TNS3: variants seen among roughly 807,000 people sequenced by gnomAD.
TNS3 encodes tensin-3.
In TNS3, 45 loss-of-function variants were observed where a neutral mutation model predicts 140.9. The observed-to-expected ratio is 0.32, with a 90% confidence interval of 0.25 to 0.41. TNS3 has a LOEUF of 0.41. Ranked by LOEUF, TNS3 falls within the 10% of genes least tolerant of loss-of-function variation. The pLI is 1.00. For missense variants in TNS3, 1,716 were observed against 1,906.7 expected, an observed-to-expected ratio of 0.90 and a Z score of 1.86; for synonymous variants, 815 against 788.4, an observed-to-expected ratio of 1.03 and a Z score of -0.56.
intron 4 of TNS3, among the ~76,000 whole-genome samples, chr7:47,454,692 G>A (rs7779248): frequency 0.15 from 23,439 of 152,102 alleles, 1,954 homozygotes; most frequent in Non-Finnish European, 0.18. Flanking sequence ...AAAACAGGCC[G>A]AGCCCTAGAG....
chr7:47,447,246 A>ATTTG (rs1491236781), intron 4 of TNS3, among the ~76,000 whole-genome samples: 3 of 120,810 alleles, frequency 2.5e-5, no homozygotes, highest in African/African-American at 9.5e-5. Context: ...CTGGTTCCAC[A>ATTTG]TATGTTTGTT....
intron 2 of TNS3, among the ~76,000 whole-genome samples, chr7:47,522,946 T>C (rs915205415): frequency 9.9e-5 from 14 of 141,074 alleles, no homozygotes; most frequent in African/African-American, 3.3e-4. Context: ...AAAGAGTTTC[T>C]ATTGTTTATT....
chr7:47,508,725 G>A (rs758196499), intron 2 of TNS3, among the ~76,000 whole-genome samples: 2 of 152,238 alleles, frequency 1.3e-5, no homozygotes, highest in Non-Finnish European at 2.9e-5. Flanking sequence ...ACCTGGCAGA[G>A]GAGATGGTGT....
intron 1 of TNS3, among the ~76,000 whole-genome samples, chr7:47,559,690 T>C (rs1800283855): frequency 6.6e-6 from 1 of 152,082 alleles, no homozygotes; most frequent in Non-Finnish European, 1.5e-5. Flanking sequence ...CAGCATCCTA[T>C]GGCCCCAGTC....
intron 1 of TNS3, among the ~76,000 whole-genome samples, chr7:47,555,199 C>T (rs1048355159): frequency 6.6e-6 from 1 of 151,152 alleles, no homozygotes; most frequent in African/African-American, 2.4e-5. Context: ...TCAGGAGTTC[C>T]AGACTAGCCT....
chr7:47,335,226 C>T (rs981072644), intron 20 of TNS3, among the ~76,000 whole-genome samples: 3 of 152,122 alleles, frequency 2.0e-5, no homozygotes, highest in Admixed American at 6.5e-5. Context: ...ATTCAACAGA[C>T]GGACGATGGC....
intron 4 of TNS3, among the ~76,000 whole-genome samples, chr7:47,452,044 G>A (rs1340169328): frequency 2.0e-5 from 3 of 152,198 alleles, no homozygotes; most frequent in Non-Finnish European, 4.4e-5. Context: ...TTCTTGGAAG[G>A]ATTAAATAAG....
chr7:47,496,265 TAC>T (rs139750850), intron 3 of TNS3, among the ~76,000 whole-genome samples: 1,883 of 152,222 alleles, frequency 0.012, 42 homozygotes, highest in African/African-American at 0.043. Flanking sequence ...CACAGGGGAA[TAC>T]AGAGTTTGGG....
chr7:47,576,962 G>A (rs1436985977), intron 1 of TNS3, among the ~76,000 whole-genome samples: 5 of 152,340 alleles, frequency 3.3e-5, no homozygotes, highest in East Asian at 1.9e-4. Context: ...GTATCGCCAC[G>A]AGTGTATTCC....
At chr7:47,348,106 G>T (rs1314256130) in intron 17 of TNS3, among the ~76,000 whole-genome samples, 4 of 152,246 alleles carry the variant, frequency 2.6e-5, no homozygotes, top group Non-Finnish European at 5.9e-5. Context: ...GCCATTCCAA[G>T]AATGAGTTTA....
chr7:47,564,208 A>C (rs956566915), intron 1 of TNS3, among the ~76,000 whole-genome samples: 2 of 151,866 alleles, frequency 1.3e-5, no homozygotes, highest in African/African-American at 4.8e-5. Flanking sequence ...AAAAAAAAAA[A>C]AAAAACCATT....
intron 9 of TNS3, among the ~76,000 whole-genome samples, chr7:47,426,545 G>A (rs1423042230): frequency 6.6e-6 from 1 of 152,186 alleles, no homozygotes; most frequent in South Asian, 2.1e-4. Flanking sequence ...TACCGATGCT[G>A]TTCTAAGTGC....
chr7:47,463,268 A>C (rs1032749465), intron 4 of TNS3, among the ~76,000 whole-genome samples: 3 of 152,128 alleles, frequency 2.0e-5, no homozygotes, highest in Non-Finnish European at 2.9e-5. Context: ...AATGTGGTGA[A>C]ACCCCATCTC....
chr7:47,285,783 C>T (rs972240716), intron 27 of TNS3, among the ~76,000 whole-genome samples: 7 of 152,166 alleles, frequency 4.6e-5, no homozygotes, highest in African/African-American at 1.7e-4. Context: ...ATTTGTGCCA[C>T]ATATTCATTA....
At chr7:47,383,922 T>A (rs575180356) in intron 16 of TNS3, among the ~76,000 whole-genome samples, 1 of 152,160 alleles carries the variant, frequency 6.6e-6, no homozygotes, top group South Asian at 2.1e-4. Context: ...GGACTGCAGG[T>A]CAGAAAGTGA....
At chr7:47,360,847 C>A (rs1249343987) in intron 17 of TNS3, among the ~76,000 whole-genome samples, 1 of 152,268 alleles carries the variant, frequency 6.6e-6, no homozygotes, top group East Asian at 1.9e-4. Context: ...CTGGGCACTG[C>A]TCAGTTATAA....
chr7:47,524,124 AG>A (rs1799091277), intron 2 of TNS3, among the ~76,000 whole-genome samples: 1 of 152,182 alleles, frequency 6.6e-6, no homozygotes, highest in South Asian at 2.1e-4. Context: ...TCCAGGGTGC[AG>A]TGCAGCACTG....
chr7:47,472,206 AC>A (rs1796983581), intron 4 of TNS3, among the ~76,000 whole-genome samples: 1 of 152,118 alleles, frequency 6.6e-6, no homozygotes, highest in African/African-American at 2.4e-5. Flanking sequence ...ATCCAGCATG[AC>A]CTCATCTCTG....
chr7:47,318,298 T>C (rs1298231760), intron 20 of TNS3, among the ~76,000 whole-genome samples: 1 of 152,238 alleles, frequency 6.6e-6, no homozygotes, highest in African/African-American at 2.4e-5. Flanking sequence ...TTCCACTGCA[T>C]GCATAGATCA....
Sources: gnomAD v4.1 joint callset for allele counts (sites outside exome capture counted in the v4.1 genomes callset) on GRCh38, gnomAD v4.1.1 for gene constraint, MANE v1.5 for transcripts, NCBI Gene and HGNC (gene_info 2026-07-23, HGNC 2026-07-21) for gene names.